ZNF528: variants seen among roughly 807,000 people sequenced by gnomAD.
The protein encoded by ZNF528 is zinc finger protein 528.
ZNF528 carries 9 observed loss-of-function variants against 13.3 expected under a neutral mutation model. The ratio of observed to expected loss-of-function variants is 0.67; its 90% CI spans 0.41 to 1.18. The LOEUF (loss-of-function observed/expected upper bound fraction) is 1.18, where lower values mean the gene tolerates loss of function less well. Ranked by LOEUF, ZNF528 falls within the 50% of genes most tolerant of loss-of-function variation. The pLI is 0.01. For synonymous variants in ZNF528, 264 were observed against 254.3 expected (o/e 1.04, Z -0.36); for missense variants, 858 against 745.4 (o/e 1.15, Z -1.76).
In ZNF528 at chr19:52,415,306, T is replaced by G; in HGVS notation, c.454T>G (p.Ser152Ala). Residue 152 changes from serine to alanine, a missense_variant, in exon 7 of 7, where the codon TCT becomes GCT. Coordinates refer to ENST00000360465, the MANE Select transcript of ZNF528 (RefSeq NM_032423.3). The part of the protein sequence containing the change: ...NSSVSPLEKI[S>A]SSVKSHLLNK... Reference sequence around the variant, plus strand: ...CTCAGTTTCACCGCTTGAAAAAATTTCTTCCAGTGTCAAATCCCACCTTTT... The same window carrying G: ...CTCAGTTTCACCGCTTGAAAAAATTGCTTCCAGTGTCAAATCCCACCTTTT... 1 of 1,613,012 alleles carries G rather than the reference T, an allele frequency of 6.2e-7. No homozygotes were observed. The highest frequency in any genetic ancestry group is 2.2e-5 in the East Asian group (1 of 44,878).
rs184571145 is a variant in ZNF528 at position 52,401,315 on chromosome 19, G to C, written c.-136-370G>C. Among the ~76,000 whole-genome samples, 504 of 152,128 alleles carry C rather than the reference G, an allele frequency of 3.3e-3. 1 individual carries two copies. The highest frequency in any genetic ancestry group is 5.5e-3 in the Non-Finnish European group (374 of 68,014). On this transcript the variant is annotated intron_variant, in intron 2 of 6. Transcript: ENST00000360465. ...GATGACAGACACCTTCTACTTTCTG[G>C]GGATTAACTAAACCTGTCAGAATGT...
intron 4 of ZNF528, 101 bp from the exon 5 acceptor site, chr19:52,405,806 C>A (rs2058848846): frequency 4.7e-6 from 7 of 1,494,250 alleles, no homozygotes; most frequent in Non-Finnish European, 6.4e-6. Flanking sequence ...TTTCACAGTG[C>A]TCACATAAGT....
At chr19:52,414,181 C>T in intron 6 of ZNF528, 1 of 702,240 alleles carries the variant, frequency 1.4e-6, no homozygotes, top group Non-Finnish European at 2.6e-6. Flanking sequence ...TCCAGGTTTC[C>T]CCATTCACCT....
intron 6 of ZNF528, among the ~76,000 whole-genome samples, chr19:52,409,477 C>G (rs2058902491): frequency 6.6e-6 from 1 of 151,908 alleles, no homozygotes; most frequent in South Asian, 2.1e-4. Context: ...TTTCATGCAT[C>G]ATTTTCCTGA....
chr19:52,406,038 G>A lies in ZNF528; in HGVS notation c.142+5G>A. The A allele has an allele frequency of 1.2e-6, 2 of 1,608,508 alleles. No individual in the cohort carries two copies. Among genetic ancestry groups the A allele is most frequent in the Non-Finnish European group, 1.7e-6 (2 of 1,176,678 alleles). ...ATAGGAACCTGGTCTCCCTGGGTGA[G>A]GATAATGTCCCCTCAGAAGCCGGGA... On this transcript the variant is annotated splice_donor_5th_base_variant and intron_variant, in intron 5 of 6. Transcript: ENST00000360465.
intron 2 of ZNF528, among the ~76,000 whole-genome samples, chr19:52,401,186 G>A (rs1204289356): frequency 2.0e-5 from 3 of 151,070 alleles, no homozygotes; most frequent in Admixed American, 6.6e-5. Context: ...TCATGTTCTC[G>A]ACATCTCTGC....
chr19:52,408,360 T>G (rs964288985), intron 6 of ZNF528: 10 of 151,740 alleles, frequency 6.6e-5, no homozygotes, highest in African/African-American at 2.4e-4. Context: ...GAAACAGGTT[T>G]TTGCCATATT....
At position 52,415,614 on chromosome 19, in the gene ZNF528, A is replaced by G. The variant is rs1420176830; in HGVS notation, c.762A>G (p.Ser254=). 7.4e-6 allele frequency: 12 copies of G among 1,614,202 alleles called. No homozygotes were observed. In the East Asian group the frequency reaches 2.7e-4, roughly 36 times the overall value. ...GTGGCAAGCTCTTCAGTAGCAATTCAAACCTTTCACAACATCAAAGAATTC... is the reference window on the plus strand; with the variant it reads ...GTGGCAAGCTCTTCAGTAGCAATTCGAACCTTTCACAACATCAAAGAATTC... ...HECGKLFSSN[S]NLSQHQRIHT... The change falls in exon 7 of 7, where the codon TCA becomes TCG. Residue 254 remains serine (S), a synonymous_variant. Transcript: ENST00000360465.
rs2058996601 is a variant in ZNF528, at chr19:52,415,925, G to A, written c.1073G>A (p.Cys358Tyr). 6.2e-7 allele frequency: 1 copy of A among 1,614,100 alleles called. No individual in the cohort carries two copies. Among genetic ancestry groups the A allele is most frequent in the Non-Finnish European group, 8.5e-7 (1 of 1,180,008 alleles). ...TGEKPYKCEE[C>Y]GKAFSVRSSL... ...GAGAAACCTTACAAATGTGAAGAAT[G>A]TGGCAAAGCATTTTCAGTGCGTTCC... Residue 358 changes from cysteine (C) to tyrosine (Y), a missense_variant, in exon 7 of 7, where the codon TGT becomes TAT. Transcript: ENST00000360465.
intron 4 of ZNF528, 90 bp downstream of exon 4, chr19:52,402,118 C>G: frequency 6.3e-7 from 1 of 1,585,648 alleles, no homozygotes; most frequent in Non-Finnish European, 8.6e-7. Flanking sequence ...TCTGAAGCAT[C>G]CTGCCTGACA....
At chr19:52,406,073 G>C (rs531677584) in intron 5 of ZNF528, 40 bp downstream of exon 5, 1 of 1,585,578 alleles carries the variant, frequency 6.3e-7, no homozygotes, top group Admixed American at 1.8e-5. Flanking sequence ...ATCTGCCCTG[G>C]TGGATCTCTG....
chr19:52,414,574 G>A (rs1426661740), intron 6 of ZNF528: 3 of 479,282 alleles, frequency 6.3e-6, no homozygotes, highest in Non-Finnish European at 1.1e-5. Flanking sequence ...ATTTCAATGA[G>A]CATGGCACCA....
intron 6 of ZNF528, chr19:52,413,735 T>G (rs1820691): frequency 0.67 from 102,307 of 152,346 alleles, 35,651 homozygotes; most frequent in Non-Finnish European, 0.79. Context: ...GATCTGTGGG[T>G]GGGACAACAG....
At position 52,415,263 on chromosome 19, in the gene ZNF528, A is replaced by G. The variant is rs1164312858; in HGVS notation, c.411A>G (p.Lys137=). The G allele has an allele frequency of 6.2e-7, 1 of 1,613,806 alleles. No homozygotes were observed. Among genetic ancestry groups the G allele is most frequent in the Non-Finnish European group, 8.5e-7 (1 of 1,180,000 alleles). ...RKISGCKHFE[K]PVSDNSSVSP... is the part of the protein sequence containing the mutation. ...TTTCTGGGTGTAAGCATTTTGAAAA[A>G]CCCGTCAGTGACAATTCCTCAGTTT... is the stretch of plus-strand genomic sequence containing the variant. The change falls in exon 7 of 7, where the codon AAA becomes AAG. Residue 137 remains lysine, a synonymous_variant. Transcript: ENST00000360465.
intron 6 of ZNF528, chr19:52,411,384 G>T (rs1049099144): frequency 4.6e-5 from 7 of 152,162 alleles, no homozygotes; most frequent in African/African-American, 1.7e-4. Context: ...TCTTGGAATG[G>T]CCGCCGGGGA....
chr19:52,409,071 G>T (rs779636056), intron 6 of ZNF528, among the ~76,000 whole-genome samples: 8 of 151,950 alleles, frequency 5.3e-5, no homozygotes, highest in Non-Finnish European at 8.8e-5. Flanking sequence ...TTGCTGTTTT[G>T]CCTATTTTTC....
chr19:52,398,678 G>A (rs1211788871), intron 2 of ZNF528, 59 bp downstream of exon 2: 1 of 888,058 alleles, frequency 1.1e-6, no homozygotes, highest in Non-Finnish European at 1.4e-6. Context: ...TAGCAGGGGA[G>A]AAAAGTAACT....
chr19:52,400,370 A>T (rs1012226518), intron 2 of ZNF528, among the ~76,000 whole-genome samples: 1 of 152,096 alleles, frequency 6.6e-6, no homozygotes, highest in African/African-American at 2.4e-5. Context: ...GTAAGAGCAC[A>T]ATATACCAAA....
At chr19:52,411,685 G>A (rs1259432115) in intron 6 of ZNF528, 1 of 152,194 alleles carries the variant, frequency 6.6e-6, no homozygotes, top group Non-Finnish European at 1.5e-5. Context: ...AAATCCTGAC[G>A]TCCTAGCCCT....
Sources: gnomAD v4.1 joint callset for allele counts (sites outside exome capture counted in the v4.1 genomes callset) on GRCh38, gnomAD v4.1.1 for gene constraint, MANE v1.5 for transcripts, NCBI Gene and HGNC (gene_info 2026-07-23, HGNC 2026-07-21) for gene names.